Variants in HTR7 observed in about 807,000 individuals in gnomAD.
The protein encoded by HTR7 is 5-HT-7.
A neutral mutation model predicts 34.0 loss-of-function variants in HTR7; 16 were observed. That is an observed-to-expected ratio of 0.47 (90% confidence interval 0.32 to 0.71). The LOEUF is 0.71. Ranked by LOEUF, HTR7 falls within the 30% of genes least tolerant of loss-of-function variation. The probability of loss-of-function intolerance (pLI) is 0.04; values close to 1 mark genes in which losing one functional copy is unlikely to be tolerated. For missense variants in HTR7, 504 were observed against 625.5 expected, an observed-to-expected ratio of 0.81 and a Z score of 2.07; for synonymous variants, 265 against 260.2, an observed-to-expected ratio of 1.02 and a Z score of -0.18.
At chr10:90,840,189 A>T (rs1375150864) in intron 1 of HTR7, among the ~76,000 whole-genome samples, 2 of 150,642 alleles carry the variant, frequency 1.3e-5, no homozygotes, top group African/African-American at 2.4e-5. Context: ...ACACACACAC[A>T]CACACACACA....
At chr10:90,855,985 C>T (rs1031739769) in intron 1 of HTR7, among the ~76,000 whole-genome samples, 11 of 152,106 alleles carry the variant, frequency 7.2e-5, no homozygotes, top group African/African-American at 2.7e-4. Flanking sequence ...CAGCAAACCA[C>T]AAACAGCAGT....
At position 90,748,841 on chromosome 10, in the gene HTR7, C is replaced by T; in HGVS notation, c.1293G>A (p.Val431=). ...AAAATAGTGATAAATGACCTTACAG[C>T]ACAAACTCAGGTCTCTCTGGCCTCT... The part of the protein sequence containing the change: ...LAERPERPEF[V]LRACTRRVLL... Residue 431 remains valine (V), a splice_region_variant and synonymous_variant, in exon 2 of 4, where the codon GTG becomes GTA. Transcript: ENST00000336152. 1 of 1,610,574 alleles carries T rather than the reference C, an allele frequency of 6.2e-7. No homozygotes were observed.
At chr10:90,813,997 C>T (rs1312549673) in intron 1 of HTR7, among the ~76,000 whole-genome samples, 1 of 152,188 alleles carries the variant, frequency 6.6e-6, no homozygotes. Flanking sequence ...TTCAGGTGCC[C>T]CTCTCTTTCG....
At chr10:90,809,714 T>C (rs1845771420) in intron 1 of HTR7, among the ~76,000 whole-genome samples, 1 of 152,348 alleles carries the variant, frequency 6.6e-6, no homozygotes, top group East Asian at 1.9e-4. Context: ...GCCAGAAATC[T>C]GGCCACCAGG....
At position 90,856,990 on chromosome 10, in the gene HTR7, G is replaced by A. The variant is rs139880687; in HGVS notation, c.539+143C>T. The A allele has an allele frequency of 5.6e-4, 410 of 727,294 alleles. 2 individuals are homozygous for A. In the African/African-American group the frequency reaches 6.4e-3, roughly 11 times the overall value. 45.1% of individuals were successfully genotyped at this position (727,294 alleles called of 1,614,324 possible). A position where few individuals can be genotyped will look rare whatever the true frequency, so the allele number is the denominator to read the frequency against. ...ACCGAAGTTTGGTTGGTGTAGGGTGGATTGGGGGGAGCGGTGTTTTAAGCG... is the reference window on the plus strand; with the variant it reads ...ACCGAAGTTTGGTTGGTGTAGGGTGAATTGGGGGGAGCGGTGTTTTAAGCG... On this transcript the variant is annotated intron_variant, in intron 1 of 3. Coordinates refer to ENST00000336152, the MANE Select transcript of HTR7 (RefSeq NM_019859.4).
intron 3 of HTR7, 68 bp downstream of exon 3, chr10:90,743,525 T>C: frequency 8.1e-7 from 1 of 1,241,644 alleles, no homozygotes; most frequent in Non-Finnish European, 1.2e-6. Context: ...TCTGCTCACA[T>C]AGTTCATGTT....
At chr10:90,842,214 GC>G in intron 1 of HTR7, among the ~76,000 whole-genome samples, 1 of 152,214 alleles carries the variant, frequency 6.6e-6, no homozygotes, top group Non-Finnish European at 1.5e-5. Flanking sequence ...AATTTGCTAG[GC>G]CCTTTTGCCC....
At chr10:90,832,263 G>A (rs1165105889) in intron 1 of HTR7, among the ~76,000 whole-genome samples, 1 of 152,226 alleles carries the variant, frequency 6.6e-6, no homozygotes, top group Non-Finnish European at 1.5e-5. Flanking sequence ...AGTGCAGGAG[G>A]CCACGGTGGG....
In HTR7 at chr10:90,745,704, A is replaced by G. The variant is rs544479254; in HGVS notation, c.1296-2014T>C. On this transcript the variant is annotated intron_variant, in intron 2 of 3. Transcript: ENST00000336152. Reference sequence around the variant, plus strand: ...AATTCAAACTGAGAGAAATGCAAAGAAGATACAGCAGACTATGGCCTGTTG... The same window carrying G: ...AATTCAAACTGAGAGAAATGCAAAGGAGATACAGCAGACTATGGCCTGTTG... 1.9e-3 allele frequency among the ~76,000 whole-genome samples: 295 copies of G among 152,384 alleles called. 1 individual carries two copies. The highest frequency in any genetic ancestry group is 0.014 in the Middle Eastern group (4 of 294).
chr10:90,759,527 C>T (rs1230622938), intron 1 of HTR7, among the ~76,000 whole-genome samples: 23 of 149,980 alleles, frequency 1.5e-4, no homozygotes, highest in Non-Finnish European at 3.1e-4. Flanking sequence ...CGGTGGCGGG[C>T]GCCTGTAGTC....
chr10:90,749,417 A>G lies in HTR7; in HGVS notation c.717T>C (p.Tyr239=). 3 of 1,614,198 alleles carry G rather than the reference A, an allele frequency of 1.9e-6. No individual in the cohort carries two copies. The highest frequency in any genetic ancestry group is 2.5e-6 in the Non-Finnish European group (3 of 1,180,042). The change falls in exon 2 of 4, where the codon TAT becomes TAC. Residue 239 remains tyrosine, a synonymous_variant. Transcript: ENST00000336152. The surrounding 1 kb of genome is among the most constrained non-coding windows in gnomAD (Gnocchi z 4.2). ...KVCLISQDFG[Y]TIYSTAVAFY... is the part of the protein sequence containing the mutation. ...ATGCCACTGCGGTAGAGTAAATCGT[A>G]TAGCCAAAGTCCTGGCTGATCAAGC... is the stretch of plus-strand genomic sequence containing the variant.
At chr10:90,777,540 G>A (rs1440553677) in intron 1 of HTR7, among the ~76,000 whole-genome samples, 1 of 151,124 alleles carries the variant, frequency 6.6e-6, no homozygotes, top group Non-Finnish European at 1.5e-5. Context: ...CCATGTTCCA[G>A]GCAAGAAGAC....
intron 1 of HTR7, among the ~76,000 whole-genome samples, chr10:90,846,150 G>A (rs1383095255): frequency 6.6e-6 from 1 of 152,040 alleles, no homozygotes; most frequent in Non-Finnish European, 1.5e-5. Context: ...TTGAGGATGG[G>A]ACCTAAGTCT....
chr10:90,771,637 A>G (rs4933606), intron 1 of HTR7, among the ~76,000 whole-genome samples: 35,235 of 152,198 alleles, frequency 0.23, 4,343 homozygotes, highest in African/African-American at 0.32. Context: ...CAGCACCTGG[A>G]GCTGCCTGCC....
intron 1 of HTR7, among the ~76,000 whole-genome samples, chr10:90,816,163 A>G (rs1278641899): frequency 6.6e-6 from 1 of 152,250 alleles, no homozygotes; most frequent in Non-Finnish European, 1.5e-5. Flanking sequence ...TACATTACCC[A>G]ATAAATAGCT....
Position 90,857,376 on chromosome 10 carries a change from T to G in HTR7, c.296A>C (p.Asn99Thr). The G allele has an allele frequency of 6.2e-7, 1 of 1,614,014 alleles. No homozygotes were observed. Among genetic ancestry groups the G allele is most frequent in the Middle Eastern group, 1.6e-4 (1 of 6,062 alleles). ...TLITLLTIAGNCLVVISVCFV... is the reference protein window; with the variant it reads ...TLITLLTIAGTCLVVISVCFV... ...GCACACGGAGATCACCACCAGGCAG[T>G]TGCCCGCGATCGTCAGCAGCGTGAT... Residue 99 changes from asparagine to threonine, a missense_variant, in exon 1 of 4, where the codon AAC (asparagine) becomes ACC (threonine). By Grantham distance (65) the Asn-to-Thr change is moderately conservative. Around this residue, in one of 4 missense-constraint regions of HTR7, gnomAD observed 154 missense variants for 248.8 expected, o/e 0.62. Coordinates refer to ENST00000336152, the MANE Select transcript of HTR7 (RefSeq NM_019859.4). This position sits in a 1 kb window ranked among gnomAD's most constrained non-coding sequence, Gnocchi z 6.5.
intron 1 of HTR7, among the ~76,000 whole-genome samples, chr10:90,809,032 T>C (rs1845753954): frequency 1.3e-5 from 2 of 152,186 alleles, no homozygotes; most frequent in Admixed American, 1.3e-4. Context: ...CCCTCCCGCC[T>C]GTCCCCTCAG....
chr10:90,797,231 G>A (rs1845554632), intron 1 of HTR7, among the ~76,000 whole-genome samples: 1 of 152,076 alleles, frequency 6.6e-6, no homozygotes, highest in African/African-American at 2.4e-5. Context: ...AACACACTGA[G>A]TTTTAGAGCT....
At chr10:90,828,009 GTATCT>G (rs1846106913) in intron 1 of HTR7, among the ~76,000 whole-genome samples, 1 of 152,132 alleles carries the variant, frequency 6.6e-6, no homozygotes, top group Non-Finnish European at 1.5e-5. Flanking sequence ...GAAAGAATAA[GTATCT>G]TCTCTGACCA....
Sources: gnomAD v4.1 joint callset for allele counts (sites outside exome capture counted in the v4.1 genomes callset) on GRCh38, gnomAD v4.1.1 for gene constraint, gnomAD v4.1.1 regional missense constraint, Gnocchi (gnomAD v3.1) non-coding constraint, MANE v1.5 for transcripts, NCBI Gene and HGNC (gene_info 2026-07-23, HGNC 2026-07-21) for gene names.